POP4: variants seen among roughly 807,000 people sequenced by gnomAD.
The protein encoded by POP4 is POP4 ribonuclease P/MRP subunit, also known as ribonuclease P protein subunit p29.
Under a neutral mutation model 29.9 loss-of-function variants are expected in POP4, and 31 were observed. The ratio of observed to expected loss-of-function variants is 1.04; its 90% CI spans 0.78 to 1.40. POP4 has a LOEUF of 1.40. Ranked by LOEUF, POP4 falls within the 40% of genes most tolerant of loss-of-function variation. POP4 has a pLI of 0.00. For missense variants in POP4, 286 were observed against 282.7 expected (o/e 1.01, Z -0.08); for synonymous variants, 110 against 108.2 (o/e 1.02, Z -0.10).
intron 5 of POP4, 80 bp downstream of exon 5, chr19:29,612,258 CTGTT>C: frequency 3.9e-6 from 5 of 1,292,606 alleles, no homozygotes; most frequent in Non-Finnish European, 5.4e-6. Flanking sequence ...GGCGTGTGTT[CTGTT>C]GGACACACTC....
chr19:29,606,943 A>C (rs971728500), intron 1 of POP4, among the ~76,000 whole-genome samples: 2 of 152,194 alleles, frequency 1.3e-5, no homozygotes, highest in African/African-American at 4.8e-5. Context: ...TCTGGCAAGT[A>C]ATGGATGTTC....
At chr19:29,611,098 G>A (rs767131124) in intron 3 of POP4, 14 of 161,526 alleles carry the variant, frequency 8.7e-5, no homozygotes, top group Non-Finnish European at 1.5e-4. Context: ...CAGCCGACCC[G>A]CCATCCCTCC....
At chr19:29,607,529 G>A (rs549758956) in intron 1 of POP4, among the ~76,000 whole-genome samples, 46 of 152,080 alleles carry the variant, frequency 3.0e-4, no homozygotes, top group Middle Eastern at 3.4e-3. Context: ...AAGAAAGCTG[G>A]AATTAAATTT....
chr19:29,610,829 G>A, intron 3 of POP4, 197 bp downstream of exon 3: 1 of 597,994 alleles, frequency 1.7e-6, no homozygotes, highest in Non-Finnish European at 3.0e-6. Context: ...CTCATTGTCT[G>A]GCCTCTCTCC....
In POP4 at chr19:29,614,032, C is replaced by G. The variant is rs1223197549; in HGVS notation, c.526+60C>G. On this transcript the variant is annotated intron_variant, in intron 6 of 6. Coordinates refer to ENST00000585603, the MANE Select transcript of POP4 (RefSeq NM_006627.3). Reference sequence around the variant, plus strand: ...CTGTGGCTCCCAGCTACTGCGTTAGCCTTTTCCTCAAGGCTCCAAGAGTTT... The same window carrying G: ...CTGTGGCTCCCAGCTACTGCGTTAGGCTTTTCCTCAAGGCTCCAAGAGTTT... 7.7e-6 allele frequency: 12 copies of G among 1,566,588 alleles called. No homozygotes were observed. In the East Asian group the frequency reaches 2.5e-4, roughly 32 times the overall value.
At position 29,615,474 on chromosome 19, in the gene POP4, C is replaced by T; in HGVS notation, c.*94C>T. On this transcript the variant is annotated 3_prime_UTR_variant, in exon 7 of 7. Transcript: ENST00000585603. ...CAGTGAAGAGATAGTTAAGCCAATT[C>T]CATTTATAGACCACCTCCAGCCAGT... The T allele has an allele frequency of 7.1e-7, 1 of 1,401,296 alleles. No individual in the cohort carries two copies. The highest frequency in any genetic ancestry group is 9.8e-7 in the Non-Finnish European group (1 of 1,025,006). 86.8% of individuals were successfully genotyped at this position (1,401,296 alleles called of 1,614,324 possible). A position where few individuals can be genotyped will look rare whatever the true frequency, so the allele number is the denominator to read the frequency against.
chr19:29,608,815 C>A, intron 2 of POP4, 106 bp downstream of exon 2: 1 of 1,087,492 alleles, frequency 9.2e-7, no homozygotes, highest in Non-Finnish European at 1.4e-6. Flanking sequence ...CCACATCATA[C>A]TCCTCATTTT....
intron 1 of POP4, among the ~76,000 whole-genome samples, chr19:29,607,095 G>T (rs560052499): frequency 6.6e-6 from 1 of 152,232 alleles, no homozygotes. Flanking sequence ...GGGAGAACTA[G>T]ATGCTATATA....
chr19:29,613,884 A>G lies in POP4; in HGVS notation c.438A>G (p.Lys146=). 6.2e-7 allele frequency: 1 copy of G among 1,612,716 alleles called. No homozygotes were observed. Among genetic ancestry groups the G allele is most frequent in the Non-Finnish European group, 8.5e-7 (1 of 1,179,544 alleles). Residue 146 remains lysine (K), a synonymous_variant, in exon 6 of 7, where the codon AAA becomes AAG. Transcript: ENST00000585603. ...HGAIISVTKS[K]CPSYVGITGI... ...TTTTCTTTGCAGTGACAAAATCCAA[A>G]TGCCCCTCTTATGTGGGTATTACAG...
In POP4 at chr19:29,613,921, C is replaced by T. The variant is rs1240589776; in HGVS notation, c.475C>T (p.Gln159Ter). 2 of 1,613,872 alleles carry T rather than the reference C, an allele frequency of 1.2e-6. No homozygotes were observed. The highest frequency in any genetic ancestry group is 1.7e-6 in the Non-Finnish European group (2 of 1,179,946). ...SYVGITGILLQETKHIFKIIT... is the reference protein window; with the variant it reads ...SYVGITGILL ...TGTGGGTATTACAGGAATCCTTCTACAGGAAACAAAGCACATTTTCAAAAT... is the reference window on the plus strand; with the variant it reads ...TGTGGGTATTACAGGAATCCTTCTATAGGAAACAAAGCACATTTTCAAAAT... The change falls in exon 6 of 7, where the codon CAG becomes TAG. Residue 159 changes from glutamine (Q) to a stop codon, truncating the protein, a stop_gained. Transcript: ENST00000585603. LOFTEE classifies it high-confidence loss of function.
chr19:29,614,343 TC>T (rs1460864997), intron 6 of POP4, among the ~76,000 whole-genome samples: 1 of 152,200 alleles, frequency 6.6e-6, no homozygotes, highest in African/African-American at 2.4e-5. Flanking sequence ...GTGGCGCCTG[TC>T]CCTGGAGTTC....
chr19:29,606,316 A>G lies in POP4; in HGVS notation c.-3A>G, dbSNP rs1260876535. 1.2e-6 allele frequency: 2 copies of G among 1,606,578 alleles called. No homozygotes were observed. Among genetic ancestry groups the G allele is most frequent in the East Asian group, 2.3e-5 (1 of 44,058 alleles). On this transcript the variant is annotated 5_prime_UTR_variant, in exon 1 of 7. Transcript: ENST00000585603. ...ATCAGAGAGCGCCGGAAGCGGTCCG[A>G]GAATGAAGAGTAAGCGGGGCCGCGA...
At chr19:29,606,485 C>T (rs1970999052) in intron 1 of POP4, 160 bp downstream of exon 1, 2 of 815,098 alleles carry the variant, frequency 2.5e-6, no homozygotes. Context: ...AGGGCTGGAG[C>T]ACGGGTTAGC....
intron 6 of POP4, 122 bp downstream of exon 6, chr19:29,614,094 T>C: frequency 6.9e-7 from 1 of 1,450,804 alleles, no homozygotes. Context: ...TTGCAGATAC[T>C]TGCTGAACCT....
At chr19:29,608,609 C>T (rs753732412) in intron 1 of POP4, 48 bp from the exon 2 acceptor site, 2 of 1,571,156 alleles carry the variant, frequency 1.3e-6, no homozygotes, top group East Asian at 4.5e-5. Flanking sequence ...TTGGGTCTTA[C>T]AGCCATACCC....
At chr19:29,613,617 A>G (rs1210987781) in intron 5 of POP4, among the ~76,000 whole-genome samples, 1 of 152,060 alleles carries the variant, frequency 6.6e-6, no homozygotes, top group Non-Finnish European at 1.5e-5. Flanking sequence ...CCTGCCCAAG[A>G]CCCCTGTGGC....
chr19:29,608,493 CT>C (rs746311970), intron 1 of POP4, among the ~76,000 whole-genome samples, 163 bp from the exon 2 acceptor site: 6 of 152,082 alleles, frequency 3.9e-5, no homozygotes, highest in Non-Finnish European at 8.8e-5. Flanking sequence ...TCTTGAACTC[CT>C]GACCTTGGGT....
intron 1 of POP4, among the ~76,000 whole-genome samples, chr19:29,607,813 G>A (rs1335907906): frequency 1.3e-5 from 2 of 152,192 alleles, no homozygotes; most frequent in African/African-American, 4.8e-5. Context: ...AAAATGTGAA[G>A]AATCTTTTTA....
Position 29,615,512 on chromosome 19 carries a change from T to A in POP4, c.*132T>A. The A allele has an allele frequency of 1.0e-6, 1 of 954,926 alleles. No homozygotes were observed. 59.2% of individuals were successfully genotyped at this position (954,926 alleles called of 1,614,324 possible). A position where few individuals can be genotyped will look rare whatever the true frequency, so the allele number is the denominator to read the frequency against. On this transcript the variant is annotated 3_prime_UTR_variant, in exon 7 of 7. Coordinates refer to ENST00000585603, the MANE Select transcript of POP4 (RefSeq NM_006627.3). ...ACCTCCAGCCAGTGACGCTCCGAGT[T>A]GAGGATGTTGAACAACATGGGAAGG...
Sources: gnomAD v4.1 joint callset for allele counts (sites outside exome capture counted in the v4.1 genomes callset) on GRCh38, gnomAD v4.1.1 for gene constraint, MANE v1.5 for transcripts, NCBI Gene and HGNC (gene_info 2026-07-23, HGNC 2026-07-21) for gene names.